Variants in CHST11 observed in about 807,000 individuals in gnomAD.
The protein encoded by CHST11 is carbohydrate sulfotransferase 11, also known as C4S-1.
Under a neutral mutation model 30.4 loss-of-function variants are expected in CHST11, and 9 were observed. The ratio of observed to expected loss-of-function variants is 0.30; its 90% CI spans 0.18 to 0.52. The LOEUF (loss-of-function observed/expected upper bound fraction) is 0.52, where lower values mean the gene tolerates loss of function less well. Ranked by LOEUF, CHST11 falls within the 20% of genes least tolerant of loss-of-function variation. The pLI, the probability that CHST11 is intolerant of heterozygous loss-of-function variation, is 0.97. For missense variants in CHST11, 348 were observed against 460.6 expected, an observed-to-expected ratio of 0.76 and a Z score of 2.24; for synonymous variants, 152 against 187.8, an observed-to-expected ratio of 0.81 and a Z score of 1.56.
chr12:104,484,194 G>C (rs1486724562), intron 1 of CHST11, among the ~76,000 whole-genome samples: 1 of 152,120 alleles, frequency 6.6e-6, no homozygotes, highest in African/African-American at 2.4e-5. Flanking sequence ...TCTTTCAGTG[G>C]GTCATTGCCA....
At chr12:104,680,138 A>T (rs1256075490) in intron 2 of CHST11, among the ~76,000 whole-genome samples, 3 of 152,190 alleles carry the variant, frequency 2.0e-5, no homozygotes, top group Admixed American at 6.5e-5. Flanking sequence ...AGGCTGTGTA[A>T]TCCTTGTTCT....
At chr12:104,521,929 ATTGT>A (rs1432286693) in intron 1 of CHST11, among the ~76,000 whole-genome samples, 2 of 152,040 alleles carry the variant, frequency 1.3e-5, no homozygotes, top group Non-Finnish European at 2.9e-5. Flanking sequence ...GGCTAATGAA[ATTGT>A]TTGGCCTAGT....
At chr12:104,662,133 G>T (rs1276157004) in intron 2 of CHST11, among the ~76,000 whole-genome samples, 1 of 152,160 alleles carries the variant, frequency 6.6e-6, no homozygotes, top group Non-Finnish European at 1.5e-5. Flanking sequence ...CACATAGTAG[G>T]ATCTCAGTGT....
chr12:104,580,886 C>T (rs1489639694), intron 1 of CHST11, among the ~76,000 whole-genome samples: 1 of 152,208 alleles, frequency 6.6e-6, no homozygotes, highest in Non-Finnish European at 1.5e-5. Flanking sequence ...GCCACTGCAC[C>T]TAGCCTGGGT....
At chr12:104,521,983 C>A (rs2038077885) in intron 1 of CHST11, among the ~76,000 whole-genome samples, 1 of 152,054 alleles carries the variant, frequency 6.6e-6, no homozygotes, top group Admixed American at 6.5e-5. Flanking sequence ...ATCTTATCAC[C>A]CTCTCTGTGC....
At chr12:104,527,963 A>G (rs1405118243) in intron 1 of CHST11, among the ~76,000 whole-genome samples, 1 of 152,176 alleles carries the variant, frequency 6.6e-6, no homozygotes, top group Non-Finnish European at 1.5e-5. Context: ...TCACGAGAAC[A>G]GTATGGGGGA....
At chr12:104,551,732 G>A (rs2038407125) in intron 1 of CHST11, among the ~76,000 whole-genome samples, 2 of 152,132 alleles carry the variant, frequency 1.3e-5, no homozygotes, top group Non-Finnish European at 2.9e-5. Context: ...GCCATTTGGG[G>A]ACTAGTAATT....
chr12:104,682,589 A>G (rs1463184340), intron 2 of CHST11, among the ~76,000 whole-genome samples: 1 of 152,134 alleles, frequency 6.6e-6, no homozygotes, highest in Non-Finnish European at 1.5e-5. Flanking sequence ...CTTGGCCTGG[A>G]TCTTGGTAGT....
chr12:104,545,888 T>A (rs1327180292), intron 1 of CHST11, among the ~76,000 whole-genome samples: 1 of 152,108 alleles, frequency 6.6e-6, no homozygotes, highest in Non-Finnish European at 1.5e-5. Flanking sequence ...TGCAATGGTA[T>A]GATCTCAGCT....
chr12:104,588,303 T>G (rs2038825138), intron 1 of CHST11, among the ~76,000 whole-genome samples: 1 of 152,236 alleles, frequency 6.6e-6, no homozygotes, highest in African/African-American at 2.4e-5. Flanking sequence ...GTCTATGTAC[T>G]TACCAGTTCT....
chr12:104,631,116 G>GCA (rs2039265815), intron 2 of CHST11, among the ~76,000 whole-genome samples: 1 of 152,186 alleles, frequency 6.6e-6, no homozygotes, highest in East Asian at 1.9e-4. Flanking sequence ...CTGGGATGCT[G>GCA]TTAACCAAAT....
At chr12:104,688,390 T>G (rs1566038697) in intron 2 of CHST11, among the ~76,000 whole-genome samples, 3 of 152,086 alleles carry the variant, frequency 2.0e-5, no homozygotes, top group African/African-American at 4.8e-5. Flanking sequence ...CAAGGAGAAG[T>G]AACTCACCAC....
intron 2 of CHST11, among the ~76,000 whole-genome samples, chr12:104,616,052 T>C (rs2039104769): frequency 6.6e-6 from 1 of 152,194 alleles, no homozygotes; most frequent in African/African-American, 2.4e-5. Flanking sequence ...CTGTTTGCTA[T>C]TTGCTGTTGT....
At chr12:104,749,094 C>G (rs2136144199) in intron 2 of CHST11, among the ~76,000 whole-genome samples, 1 of 152,272 alleles carries the variant, frequency 6.6e-6, no homozygotes, top group African/African-American at 2.4e-5. Context: ...TGAAAGTGTT[C>G]CATACATGAG....
At chr12:104,474,896 C>A (rs909320571) in intron 1 of CHST11, among the ~76,000 whole-genome samples, 1 of 152,126 alleles carries the variant, frequency 6.6e-6, no homozygotes, top group African/African-American at 2.4e-5. Context: ...CCTTGGACGG[C>A]GGTAGGGGGT....
intron 1 of CHST11, among the ~76,000 whole-genome samples, chr12:104,513,466 T>A (rs2037990021): frequency 6.6e-6 from 1 of 152,238 alleles, no homozygotes; most frequent in Admixed American, 6.5e-5. Context: ...GAATTCTGGC[T>A]TAGGTACTAA....
intron 2 of CHST11, among the ~76,000 whole-genome samples, chr12:104,668,793 C>T (rs913697295): frequency 6.6e-6 from 1 of 152,224 alleles, no homozygotes; most frequent in African/African-American, 2.4e-5. Flanking sequence ...CTGATAGTCA[C>T]AGCCCTCAGC....
intron 1 of CHST11, among the ~76,000 whole-genome samples, chr12:104,590,200 C>T (rs2038844710): frequency 6.6e-6 from 1 of 152,132 alleles, no homozygotes; most frequent in Non-Finnish European, 1.5e-5. Flanking sequence ...TATGTGCGCA[C>T]CTGTTCCTCA....
intron 2 of CHST11, among the ~76,000 whole-genome samples, chr12:104,616,553 C>G (rs1592795978): frequency 6.6e-6 from 1 of 151,854 alleles, no homozygotes; most frequent in African/African-American, 2.4e-5. Context: ...GCAACCTCTG[C>G]CTCCCGGGTT....
Sources: gnomAD v4.1 joint callset for allele counts (sites outside exome capture counted in the v4.1 genomes callset) on GRCh38, gnomAD v4.1.1 for gene constraint, MANE v1.5 for transcripts, NCBI Gene and HGNC (gene_info 2026-07-23, HGNC 2026-07-21) for gene names.